The following RBMS1 variants were observed in gnomAD, a reference collection of about 807,000 sequenced individuals.
The protein encoded by RBMS1 is RNA binding motif single stranded interacting protein 1, also known as RNA-binding motif, single-stranded-interacting protein 1.
Under a neutral mutation model 62.3 loss-of-function variants are expected in RBMS1, and 17 were observed. The observed-to-expected ratio is 0.27, with a 90% confidence interval of 0.19 to 0.41. RBMS1 has a LOEUF of 0.41. RBMS1 is among the 10% of genes least tolerant of loss of function. The pLI, the probability that RBMS1 is intolerant of heterozygous loss-of-function variation, is 1.00. For synonymous variants in RBMS1, 172 were observed against 170.0 expected, an observed-to-expected ratio of 1.01 and a Z score of -0.09; for missense variants, 334 against 504.5, an observed-to-expected ratio of 0.66 and a Z score of 3.24.
chr2:160,421,181 A>T (rs905819790), intron 1 of RBMS1, among the ~76,000 whole-genome samples: 1 of 151,802 alleles, frequency 6.6e-6, no homozygotes, highest in African/African-American at 2.4e-5. Context: ...GTTCTAGGGT[A>T]CATGTGTACA....
chr2:160,407,290 G>A (rs945342331), intron 1 of RBMS1, among the ~76,000 whole-genome samples: 7 of 151,508 alleles, frequency 4.6e-5, no homozygotes, highest in Non-Finnish European at 8.8e-5. Context: ...CGGCGGCGGC[G>A]AGGGCATCTC....
chr2:160,449,597 T>C (rs1683872825), intron 1 of RBMS1, among the ~76,000 whole-genome samples: 3 of 152,212 alleles, frequency 2.0e-5, no homozygotes, highest in Admixed American at 1.3e-4. Flanking sequence ...CGGTGCAAGA[T>C]GTGCTTTGTT....
chr2:160,405,981 A>C (rs1695683913), intron 1 of RBMS1, among the ~76,000 whole-genome samples: 1 of 152,232 alleles, frequency 6.6e-6, no homozygotes. Context: ...ATGTAAGTGT[A>C]CTGGATCCGA....
At chr2:160,422,988 T>A (rs543646240) in intron 1 of RBMS1, among the ~76,000 whole-genome samples, 2 of 152,324 alleles carry the variant, frequency 1.3e-5, no homozygotes, top group African/African-American at 4.8e-5. Context: ...TCATTCATTA[T>A]TTACATGAAA....
At chr2:160,319,312 G>A (rs772508579) in intron 2 of RBMS1, among the ~76,000 whole-genome samples, 24 of 152,184 alleles carry the variant, frequency 1.6e-4, no homozygotes, top group Non-Finnish European at 2.8e-4. Context: ...AGGAGTTCGA[G>A]ACCAGCTTGG....
At position 160,274,509 on chromosome 2, in the gene RBMS1, TTTTG is replaced by T. The variant is rs1199872209; in HGVS notation, c.*259_*262del. The stretch of plus-strand genomic sequence containing the variant: ...TGCATCATAACATTTGATAAAAATC[TTTTG>T]TTTTTGTTTTTTGTTTTTTTTTTTT... On this transcript the variant is annotated 3_prime_UTR_variant, in exon 14 of 14. Coordinates refer to ENST00000348849, the MANE Select transcript of RBMS1 (RefSeq NM_016836.4). 2.1e-5 allele frequency: 3 copies of T among 145,064 alleles called. No homozygotes were observed. The highest frequency in any genetic ancestry group is 1.4e-4 in the Admixed American group (2 of 14,454). 9.0% of individuals were successfully genotyped at this position (145,064 alleles called of 1,614,324 possible).
At chr2:160,284,096 T>TC (rs1166923547) in intron 9 of RBMS1, 1 of 152,280 alleles carries the variant, frequency 6.6e-6, no homozygotes, top group Non-Finnish European at 1.5e-5. Flanking sequence ...GTAATCCTGT[T>TC]AGAGGTTTTC....
intron 1 of RBMS1, among the ~76,000 whole-genome samples, chr2:160,426,446 C>G (rs1339558948): frequency 6.6e-6 from 1 of 152,056 alleles, no homozygotes; most frequent in Non-Finnish European, 1.5e-5. Flanking sequence ...TACATGCTCC[C>G]TCTCCCTCAA....
chr2:160,464,027 A>G (rs1313915949), intron 1 of RBMS1, among the ~76,000 whole-genome samples: 1 of 152,224 alleles, frequency 6.6e-6, no homozygotes, highest in Non-Finnish European at 1.5e-5. Context: ...ACTAAATGCC[A>G]AAGCCTTTTA....
intron 2 of RBMS1, among the ~76,000 whole-genome samples, chr2:160,322,667 C>A (rs1690638185): frequency 6.6e-6 from 1 of 152,180 alleles, no homozygotes; most frequent in South Asian, 2.1e-4. Context: ...TGCTGAAGGG[C>A]TTCCCTTTCC....
rs936970019 is a variant in RBMS1 at position 160,440,148 on chromosome 2, G to A, written c.75+53141C>T. On this transcript the variant is annotated intron_variant, in intron 1 of 13. Transcript: ENST00000348849. ...TTTTCCCTGAGACAGAGTCTCTGTT[G>A]CCCAGGCTAGAGTGCAGTGGCGTGA... Among the ~76,000 whole-genome samples the A allele has an allele frequency of 2.2e-5, 3 of 135,102 alleles. No individual in the cohort carries two copies. The East Asian group carries it at 6.9e-4, about 31-fold the overall frequency. The allele number at this position is 135,102 out of a possible 152,430, so 88.6% of individuals were successfully genotyped here.
chr2:160,344,114 T>C (rs757434854), intron 2 of RBMS1, among the ~76,000 whole-genome samples: 2 of 152,136 alleles, frequency 1.3e-5, no homozygotes, highest in Non-Finnish European at 2.9e-5. Flanking sequence ...TAAATGGACA[T>C]TTTCTTTCTT....
intron 1 of RBMS1, among the ~76,000 whole-genome samples, chr2:160,441,843 G>A (rs1456822674): frequency 1.3e-5 from 2 of 152,168 alleles, no homozygotes; most frequent in Non-Finnish European, 2.9e-5. Flanking sequence ...TCTTTTTTAT[G>A]TTATCTATTC....
Position 160,426,272 on chromosome 2 carries a change from A to AGAAAGAAAGAAAGAAAG in RBMS1, c.76-58898_76-58882dup, listed in dbSNP as rs1553522560. 1.6e-3 allele frequency among the ~76,000 whole-genome samples: 206 copies of AGAAAGAAAGAAAGAAAG among 127,436 alleles called. 2 individuals carry two copies. Among genetic ancestry groups the AGAAAGAAAGAAAGAAAG allele is most frequent in the Non-Finnish European group, 1.2e-3 (74 of 60,570 alleles). 83.6% of individuals were successfully genotyped at this position (127,436 alleles called of 152,430 possible). ...AAGAAAGAAAGAAAGAAAGAAAGAA[A>AGAAAGAAAGAAAGAAAG]GAAAGAAAGAAAGAAAGAAAAGAAA... is the stretch of plus-strand genomic sequence containing the variant. On this transcript the variant is annotated intron_variant, in intron 1 of 13. Coordinates refer to ENST00000348849, the MANE Select transcript of RBMS1 (RefSeq NM_016836.4).
intron 1 of RBMS1, among the ~76,000 whole-genome samples, chr2:160,414,356 C>T (rs146605131): frequency 1.3e-5 from 2 of 151,692 alleles, no homozygotes; most frequent in African/African-American, 4.8e-5. Flanking sequence ...AGGAGAGAAG[C>T]AGAAAAATTT....
chr2:160,355,579 G>A (rs2106010824), intron 2 of RBMS1, among the ~76,000 whole-genome samples: 2 of 152,128 alleles, frequency 1.3e-5, no homozygotes, highest in Non-Finnish European at 2.9e-5. Context: ...CCTTGGGGCA[G>A]CATGTATCAC....
intron 1 of RBMS1, among the ~76,000 whole-genome samples, chr2:160,386,027 C>T (rs1359652679): frequency 6.6e-6 from 1 of 152,132 alleles, no homozygotes; most frequent in Admixed American, 6.5e-5. Flanking sequence ...AACTTCTGAA[C>T]TAGAATTTAT....
intron 4 of RBMS1, among the ~76,000 whole-genome samples, chr2:160,311,397 G>A (rs1689908268): frequency 6.6e-6 from 1 of 151,702 alleles, no homozygotes; most frequent in African/African-American, 2.4e-5. Flanking sequence ...AAATCTTTAT[G>A]TTGATTCTTT....
intron 2 of RBMS1, among the ~76,000 whole-genome samples, chr2:160,347,457 C>T (rs1332438225): frequency 6.6e-6 from 1 of 152,120 alleles, no homozygotes; most frequent in Non-Finnish European, 1.5e-5. Context: ...AGTGTGATAT[C>T]CAGTGATGTA....
Sources: allele counts gnomAD v4.1 joint callset (sites outside exome capture counted in the v4.1 genomes callset), GRCh38; gene constraint gnomAD v4.1.1; transcripts MANE v1.5; gene names NCBI Gene and HGNC (gene_info 2026-07-23, HGNC 2026-07-21).